Variants in RIT2 observed in about 807,000 individuals in gnomAD.
RIT2 encodes GTP-binding protein Rit2.
RIT2 carries 24 observed loss-of-function variants against 23.7 expected under a neutral mutation model. The observed-to-expected ratio is 1.01, with a 90% CI of 0.73 to 1.43. RIT2 has a LOEUF of 1.43. Ranked by LOEUF, RIT2 falls within the 40% of genes most tolerant of loss-of-function variation. The pLI, the probability that RIT2 is intolerant of heterozygous loss-of-function variation, is 0.00. For missense variants in RIT2, 236 were observed against 266.9 expected (o/e 0.88, Z 0.81); for synonymous variants, 107 against 91.1 (o/e 1.17, Z -0.99).
chr18:42,907,734 G>A (rs1010028364), intron 4 of RIT2, among the ~76,000 whole-genome samples: 7 of 131,600 alleles, frequency 5.3e-5, no homozygotes, highest in Non-Finnish European at 1.1e-4. Flanking sequence ...AAATTCCAGT[G>A]CTTTGGGAGG....
chr18:42,814,466 A>G (rs146704664), intron 4 of RIT2, among the ~76,000 whole-genome samples: 2,119 of 152,164 alleles, frequency 0.014, 60 homozygotes, highest in African/African-American at 0.049. Context: ...TTCCCTGACA[A>G]CCTGCATGAC....
intron 4 of RIT2, among the ~76,000 whole-genome samples, chr18:42,854,207 T>C (rs1026889868): frequency 9.9e-5 from 15 of 152,220 alleles, no homozygotes; most frequent in Non-Finnish European, 2.2e-4. Context: ...GTAGTACATG[T>C]ACCTTTATAG....
At chr18:42,912,183 CTTA>C (rs1446113102) in intron 4 of RIT2, among the ~76,000 whole-genome samples, 2 of 151,144 alleles carry the variant, frequency 1.3e-5, no homozygotes, top group African/African-American at 4.9e-5. Flanking sequence ...AAGGAAAAAA[CTTA>C]TTATATCATT....
intron 1 of RIT2, among the ~76,000 whole-genome samples, chr18:43,100,151 T>C (rs2144236558): frequency 6.6e-6 from 1 of 152,054 alleles, no homozygotes; most frequent in Admixed American, 6.6e-5. Flanking sequence ...TTGGATGTGG[T>C]AGAAAGGTGA....
chr18:42,743,412 T>G lies in RIT2; in HGVS notation c.*81A>C, dbSNP rs1912838338. ...AAAGAGAGAGAGACACATAGAGAGATAATATTGAAGCAGAATGCTACATAT... is the reference window on the plus strand; with the variant it reads ...AAAGAGAGAGAGACACATAGAGAGAGAATATTGAAGCAGAATGCTACATAT... On this transcript the variant is annotated 3_prime_UTR_variant, in exon 5 of 5. Coordinates refer to ENST00000326695, the MANE Select transcript of RIT2 (RefSeq NM_002930.4). 1 of 994,556 alleles carries G rather than the reference T, an allele frequency of 1.0e-6. No individual in the cohort carries two copies. The highest frequency in any genetic ancestry group is 1.6e-5 in the African/African-American group (1 of 61,810). 61.6% of individuals were successfully genotyped at this position (994,556 alleles called of 1,614,324 possible).
intron 4 of RIT2, among the ~76,000 whole-genome samples, chr18:42,859,457 C>CT (rs1907270022): frequency 6.6e-6 from 1 of 152,136 alleles, no homozygotes; most frequent in South Asian, 2.1e-4. Context: ...ATAAAAGTCT[C>CT]TTAAAAGATA....
intron 4 of RIT2, among the ~76,000 whole-genome samples, chr18:42,862,460 A>G (rs1218598662): frequency 6.6e-6 from 1 of 152,236 alleles, no homozygotes; most frequent in East Asian, 1.9e-4. Flanking sequence ...CAATAATATC[A>G]CACACATCTG....
intron 4 of RIT2, among the ~76,000 whole-genome samples, chr18:42,877,867 AT>A (rs1416333803): frequency 6.6e-6 from 1 of 151,840 alleles, no homozygotes; most frequent in Non-Finnish European, 1.5e-5. Flanking sequence ...ACATAGATAA[AT>A]TTTGGAAATG....
At chr18:42,781,729 G>A (rs773320683) in intron 4 of RIT2, among the ~76,000 whole-genome samples, 12 of 152,164 alleles carry the variant, frequency 7.9e-5, no homozygotes, top group African/African-American at 1.2e-4. Flanking sequence ...GGTCTTGCCC[G>A]TTGCTTTTCA....
intron 3 of RIT2, among the ~76,000 whole-genome samples, chr18:42,936,093 T>C (rs1568034461): frequency 6.6e-6 from 1 of 151,896 alleles, no homozygotes; most frequent in Non-Finnish European, 1.5e-5. Context: ...TCCCTTTAGC[T>C]TTAGGAAGTG....
intron 2 of RIT2, among the ~76,000 whole-genome samples, chr18:43,010,111 C>G (rs1432515742): frequency 1.3e-5 from 2 of 151,770 alleles, no homozygotes; most frequent in Non-Finnish European, 2.9e-5. Flanking sequence ...AAGCATTTTC[C>G]TTTACTACAT....
At chr18:42,980,494 ATAGGG>A (rs1910574530) in intron 2 of RIT2, among the ~76,000 whole-genome samples, 1 of 151,950 alleles carries the variant, frequency 6.6e-6, no homozygotes, top group South Asian at 2.1e-4. Flanking sequence ...TAGGTAGGTA[ATAGGG>A]TAGTTGATAC....
intron 3 of RIT2, among the ~76,000 whole-genome samples, chr18:42,948,693 A>C (rs1351465633): frequency 1.3e-5 from 2 of 152,084 alleles, no homozygotes; most frequent in Admixed American, 1.3e-4. Context: ...CCTATTTGGA[A>C]AAGTTATATG....
At chr18:43,026,162 C>G (rs1466062098) in intron 2 of RIT2, among the ~76,000 whole-genome samples, 1 of 151,854 alleles carries the variant, frequency 6.6e-6, no homozygotes, top group Non-Finnish European at 1.5e-5. Context: ...GTAGAGTCAA[C>G]AAGACCTCCT....
At chr18:42,849,778 C>A (rs1415838390) in intron 4 of RIT2, among the ~76,000 whole-genome samples, 2 of 152,102 alleles carry the variant, frequency 1.3e-5, no homozygotes, top group Non-Finnish European at 2.9e-5. Context: ...CTGTTTCTAA[C>A]CCAATCCAGC....
At chr18:43,015,588 G>T (rs1206476451) in intron 2 of RIT2, among the ~76,000 whole-genome samples, 1 of 151,718 alleles carries the variant, frequency 6.6e-6, no homozygotes, top group Non-Finnish European at 1.5e-5. Flanking sequence ...TTTTGAGATT[G>T]TCTGGAGAAA....
chr18:42,750,519 C>T (rs572775509), intron 4 of RIT2, among the ~76,000 whole-genome samples: 1 of 151,726 alleles, frequency 6.6e-6, no homozygotes, highest in Non-Finnish European at 1.5e-5. Flanking sequence ...TTTTGTCCTC[C>T]AGTATAGTAA....
intron 4 of RIT2, among the ~76,000 whole-genome samples, chr18:42,856,054 A>G (rs183940140): frequency 4.0e-4 from 61 of 152,220 alleles, no homozygotes; most frequent in Non-Finnish European, 7.5e-4. Flanking sequence ...TCTCAGGCCC[A>G]TTCGAAAGTG....
In RIT2 at chr18:43,076,109, A is replaced by G. The variant is rs145163068; in HGVS notation, c.103+39308T>C. 2.1e-3 allele frequency among the ~76,000 whole-genome samples: 324 copies of G among 152,240 alleles called. 2 individuals are homozygous for G. Among genetic ancestry groups the G allele is most frequent in the African/African-American group, 7.5e-3 (312 of 41,538 alleles). On this transcript the variant is annotated intron_variant, in intron 1 of 4. Transcript: ENST00000326695. ...TGTGATAATATCTAAGCTCTATTCA[A>G]TTTCCTCAGCTTTATACTGTGGTAC...
Sources: gnomAD v4.1 joint callset for allele counts (sites outside exome capture counted in the v4.1 genomes callset) on GRCh38, gnomAD v4.1.1 for gene constraint, MANE v1.5 for transcripts, NCBI Gene and HGNC (gene_info 2026-07-23, HGNC 2026-07-21) for gene names.